The following SELENOT variants were observed in gnomAD, a reference collection of about 807,000 sequenced individuals.
The protein encoded by SELENOT is thioredoxin reductase-like selenoprotein T.
Under a neutral mutation model 24.3 loss-of-function variants are expected in SELENOT, and 9 were observed. The ratio of observed to expected loss-of-function variants is 0.37; its 90% CI spans 0.22 to 0.65. The LOEUF (loss-of-function observed/expected upper bound fraction) is 0.65. SELENOT is among the 30% of genes least tolerant of loss of function. The pLI is 0.60. For missense variants in SELENOT, 166 were observed against 247.6 expected, an observed-to-expected ratio of 0.67 and a Z score of 2.21; for synonymous variants, 81 against 86.0, an observed-to-expected ratio of 0.94 and a Z score of 0.32.
intron 1 of SELENOT, among the ~76,000 whole-genome samples, chr3:150,610,067 G>T (rs528738045): frequency 6.6e-6 from 1 of 152,300 alleles, no homozygotes; most frequent in African/African-American, 2.4e-5. Flanking sequence ...ATGAGGAACA[G>T]AGTGAATGAT....
At chr3:150,613,665 C>CTTT (rs531822237) in intron 1 of SELENOT, among the ~76,000 whole-genome samples, 3,319 of 78,868 alleles carry the variant, frequency 0.042, 332 homozygotes, top group East Asian at 0.06. Context: ...AAGATGGGAA[C>CTTT]TTTTTTTTTT....
intron 4 of SELENOT, among the ~76,000 whole-genome samples, chr3:150,626,469 C>G (rs1158119635): frequency 2.0e-5 from 3 of 152,172 alleles, no homozygotes; most frequent in East Asian, 1.9e-4. Context: ...TGTATCTTCC[C>G]TAGCCCAAAA....
intron 1 of SELENOT, chr3:150,611,405 G>C: frequency 1.6e-6 from 2 of 1,236,898 alleles, no homozygotes; most frequent in Non-Finnish European, 2.4e-6. Context: ...GCTTTATTAA[G>C]TCCTGGTCTG....
chr3:150,603,633 A>G (rs2108001790), intron 1 of SELENOT, 134 bp downstream of exon 1: 1 of 1,066,566 alleles, frequency 9.4e-7, no homozygotes, highest in Middle Eastern at 3.1e-4. Context: ...GCGCCCTTCC[A>G]CAGCCAGCCT....
At chr3:150,625,556 T>C (rs2108015189) in intron 4 of SELENOT, among the ~76,000 whole-genome samples, 1 of 152,252 alleles carries the variant, frequency 6.6e-6, no homozygotes, top group South Asian at 2.1e-4. Flanking sequence ...CACAATTAAC[T>C]TGTTACCCTC....
chr3:150,613,274 G>A (rs1726135029), intron 1 of SELENOT, among the ~76,000 whole-genome samples: 1 of 152,212 alleles, frequency 6.6e-6, no homozygotes, highest in Admixed American at 6.5e-5. Flanking sequence ...GATTGAACTT[G>A]CAGCCTCACC....
At chr3:150,608,907 A>T (rs1014008334) in intron 1 of SELENOT, among the ~76,000 whole-genome samples, 7 of 152,250 alleles carry the variant, frequency 4.6e-5, no homozygotes, top group Non-Finnish European at 7.3e-5. Context: ...GTTTGCCATT[A>T]AGGCAAGTGC....
intron 1 of SELENOT, among the ~76,000 whole-genome samples, chr3:150,608,654 T>C (rs1446443966): frequency 1.3e-5 from 2 of 152,180 alleles, no homozygotes; most frequent in Non-Finnish European, 2.9e-5. Flanking sequence ...AGTATGCTTA[T>C]TGGTATCAAT....
chr3:150,626,185 C>CT (rs1559899522), intron 4 of SELENOT, among the ~76,000 whole-genome samples: 1 of 152,096 alleles, frequency 6.6e-6, no homozygotes, highest in African/African-American at 2.4e-5. Context: ...TAAACAATAA[C>CT]TTTTTTAATG....
chr3:150,611,321 T>A lies in SELENOT; in HGVS notation c.137+7822T>A, dbSNP rs546396577. 5.6e-5 allele frequency: 69 copies of A among 1,230,832 alleles called. No individual in the cohort carries two copies. In the Admixed American group the frequency reaches 9.7e-4, roughly 17 times the overall value. The allele number at this position is 1,230,832 out of a possible 1,614,324, so 76.2% of individuals were successfully genotyped here. The stretch of plus-strand genomic sequence containing the variant: ...TTCTTGTCATTCTTCACTGATTAGA[T>A]GAAATATGTTAAGGTGTCTTTTTCA... On this transcript the variant is annotated intron_variant, in intron 1 of 5. Transcript: ENST00000471696.
At chr3:150,611,516 C>A (rs1268188692) in intron 1 of SELENOT, 55 of 1,092,340 alleles carry the variant, frequency 5.0e-5, no homozygotes, top group Non-Finnish European at 7.7e-5. Flanking sequence ...GGTGAATCAC[C>A]TCCATCATCA....
Position 150,607,485 on chromosome 3 carries a change from T to C in SELENOT, c.137+3986T>C, listed in dbSNP as rs576792339. 2.0e-5 allele frequency among the ~76,000 whole-genome samples: 3 copies of C among 152,372 alleles called. No individual in the cohort carries two copies. In the East Asian group the frequency reaches 5.8e-4, roughly 29 times the overall value. The stretch of plus-strand genomic sequence containing the variant: ...GAGCACTTACTCTGTGCAGGCACTT[T>C]GCTTCCTGCGGAGAATTCAATTCAG... On this transcript the variant is annotated intron_variant, in intron 1 of 5. Transcript: ENST00000471696.
Position 150,623,043 on chromosome 3 carries a change from A to G in SELENOT, c.249A>G (p.Arg83=). The change falls in exon 3 of 6, where the codon AGA becomes AGG. Residue 83 remains arginine, a splice_region_variant and synonymous_variant. Transcript: ENST00000471696. ...GATTTTCTTTCTTTTCTTTTGATAG[A>G]CACATAGCATCTTTCCTGTCAGTCT... ...GENYLPQPIY[R]HIASFLSVFK... The G allele has an allele frequency of 1.9e-6, 3 of 1,542,270 alleles. No individual in the cohort carries two copies. The highest frequency in any genetic ancestry group is 2.6e-6 in the Non-Finnish European group (3 of 1,147,364).
chr3:150,622,569 G>A (rs961881041), intron 2 of SELENOT, 74 bp downstream of exon 2: 2 of 606,996 alleles, frequency 3.3e-6, no homozygotes, highest in Admixed American at 7.3e-5. Flanking sequence ...GGTTTAATTA[G>A]CTGTCCTTAG....
chr3:150,617,665 CTG>C (rs1304106357), intron 1 of SELENOT, among the ~76,000 whole-genome samples: 1 of 152,118 alleles, frequency 6.6e-6, no homozygotes, highest in African/African-American at 2.4e-5. Context: ...CTGGTAGACA[CTG>C]TAATGCTCTA....
At chr3:150,620,036 A>G (rs1373042757) in intron 1 of SELENOT, among the ~76,000 whole-genome samples, 2 of 152,220 alleles carry the variant, frequency 1.3e-5, no homozygotes, top group East Asian at 3.8e-4. Context: ...ATTATTAGCT[A>G]AATTCTATTT....
chr3:150,609,863 T>C lies in SELENOT; in HGVS notation c.137+6364T>C, dbSNP rs113256876. On this transcript the variant is annotated intron_variant, in intron 1 of 5. Coordinates refer to ENST00000471696, the MANE Select transcript of SELENOT (RefSeq NM_016275.5). The stretch of plus-strand genomic sequence containing the variant: ...ACCTTTCTGTCTACCTTATAATTAA[T>C]ATAATTTTCTCCTAGATTTTGTCAT... 6.3e-3 allele frequency among the ~76,000 whole-genome samples: 966 copies of C among 152,318 alleles called. 7 individuals carry two copies. Among genetic ancestry groups the C allele is most frequent in the African/African-American group, 0.023 (944 of 41,562 alleles).
intron 1 of SELENOT, among the ~76,000 whole-genome samples, chr3:150,604,014 T>C (rs1177567586): frequency 2.0e-5 from 3 of 152,242 alleles, no homozygotes; most frequent in African/African-American, 7.2e-5. Flanking sequence ...GTTTTTCTCC[T>C]GAACTTGCTG....
At chr3:150,612,323 C>G (rs1353382834) in intron 1 of SELENOT, among the ~76,000 whole-genome samples, 1 of 152,090 alleles carries the variant, frequency 6.6e-6, no homozygotes, top group East Asian at 1.9e-4. Flanking sequence ...AAACTCCTGA[C>G]CCTAAGTGAT....
Sources: gnomAD v4.1 joint callset for allele counts (sites outside exome capture counted in the v4.1 genomes callset) on GRCh38, gnomAD v4.1.1 for gene constraint, MANE v1.5 for transcripts, NCBI Gene and HGNC (gene_info 2026-07-23, HGNC 2026-07-21) for gene names.